RBFOX1: variants seen among roughly 807,000 people sequenced by gnomAD.
RBFOX1 encodes RNA binding protein fox-1 homolog 1.
In RBFOX1, 8 loss-of-function variants were observed where a neutral mutation model predicts 57.7. The ratio of observed to expected loss-of-function variants is 0.14; its 90% CI spans 0.08 to 0.25. The LOEUF (loss-of-function observed/expected upper bound fraction) is 0.25, where lower values mean the gene tolerates loss of function less well. Among genes scored for constraint, RBFOX1 ranks in the 10% least tolerant of loss-of-function variants. The pLI is 1.00. For synonymous variants in RBFOX1, 326 were observed against 222.4 expected (o/e 1.47, Z -4.15); for missense variants, 611 against 548.5 (o/e 1.11, Z -1.14).
chr16:6,883,189 C>T (rs55963802), intron 3 of RBFOX1, among the ~76,000 whole-genome samples: 10,904 of 152,144 alleles, frequency 0.072, 1,343 homozygotes, highest in African/African-American at 0.25. Flanking sequence ...ATGTTCTGAA[C>T]CTAAGCAATA....
chr16:5,988,871 A>C (rs1313684699), intron 4 of RBFOX1, among the ~76,000 whole-genome samples: 2 of 152,180 alleles, frequency 1.3e-5, no homozygotes, highest in African/African-American at 4.8e-5. Flanking sequence ...TTTGGCAGGT[A>C]GGAAAGTATA....
Position 7,455,805 on chromosome 16 carries a change from A to G in RBFOX1, c.28-62342A>G, listed in dbSNP as rs892587405. Among the ~76,000 whole-genome samples the G allele has an allele frequency of 1.2e-4, 18 of 151,842 alleles. No homozygotes were observed. In the South Asian group the frequency reaches 1.5e-3, roughly 12 times the overall value. On this transcript the variant is annotated intron_variant, in intron 4 of 15. Transcript: ENST00000550418. ...CATCTCAAAAAAAAAAAAAAAAGAA[A>G]AAAAAGAAAAAAAAAACTGATTCAC...
chr16:5,279,578 T>C (rs1342036132), intron 1 of RBFOX1, among the ~76,000 whole-genome samples: 1 of 152,230 alleles, frequency 6.6e-6, no homozygotes, highest in East Asian at 1.9e-4. Flanking sequence ...CTTGGCTCAC[T>C]GCAACCTCCG....
intron 3 of RBFOX1, among the ~76,000 whole-genome samples, chr16:6,905,258 TTAA>T (rs1013514904): frequency 1.3e-5 from 2 of 150,662 alleles, no homozygotes. Context: ...AAAAAAAAAA[TTAA>T]AAAAAAGAAT....
chr16:5,766,756 A>G (rs976855892), intron 3 of RBFOX1, among the ~76,000 whole-genome samples: 12 of 152,098 alleles, frequency 7.9e-5, no homozygotes, highest in African/African-American at 2.7e-4. Context: ...GGTGGGGACA[A>G]ACATCCAAAC....
intron 3 of RBFOX1, among the ~76,000 whole-genome samples, chr16:6,967,378 T>C (rs556365605): frequency 2.8e-4 from 42 of 152,124 alleles, no homozygotes; most frequent in African/African-American, 9.9e-4. Context: ...AGGGAAGAGA[T>C]TAGAGGGAGC....
At chr16:6,898,430 G>A (rs1243890039) in intron 3 of RBFOX1, among the ~76,000 whole-genome samples, 1 of 152,128 alleles carries the variant, frequency 6.6e-6, no homozygotes, top group African/African-American at 2.4e-5. Context: ...ATGTGGCTGT[G>A]GTAGTAAGCA....
chr16:6,955,806 A>G (rs1426468763), intron 3 of RBFOX1, among the ~76,000 whole-genome samples: 4 of 151,974 alleles, frequency 2.6e-5, no homozygotes, highest in Non-Finnish European at 5.9e-5. Context: ...CCCTGGTTCA[A>G]GTGATTCTCC....
intron 11 of RBFOX1, among the ~76,000 whole-genome samples, chr16:7,638,540 T>TC (rs1410343134): frequency 6.6e-6 from 1 of 152,160 alleles, no homozygotes; most frequent in East Asian, 1.9e-4. Context: ...TGCTGTCTCC[T>TC]CCCCATCCCA....
intron 4 of RBFOX1, among the ~76,000 whole-genome samples, chr16:7,311,008 G>A (rs1421271267): frequency 6.6e-6 from 1 of 152,176 alleles, no homozygotes; most frequent in African/African-American, 2.4e-5. Context: ...GTCCGGTCTG[G>A]AATTACTCCT....
intron 4 of RBFOX1, among the ~76,000 whole-genome samples, chr16:7,116,440 G>T (rs1268423564): frequency 1.3e-5 from 2 of 152,064 alleles, no homozygotes; most frequent in African/African-American, 4.8e-5. Flanking sequence ...CAACATCTCT[G>T]CCCATCCCAA....
At chr16:5,424,966 CTTTCTTTCTTTCTTTTCT>C (rs1338672238) in intron 1 of RBFOX1, among the ~76,000 whole-genome samples, 1 of 52,260 alleles carries the variant, frequency 1.9e-5, no homozygotes, top group Non-Finnish European at 3.4e-5. Flanking sequence ...GTTTCTTTCT[CTTTCTTTCTTTCTTTTCT>C]TTTCTTTTCT....
intron 1 of RBFOX1, among the ~76,000 whole-genome samples, chr16:6,164,448 C>G (rs2096901278): frequency 1.4e-5 from 2 of 148,068 alleles, no homozygotes; most frequent in African/African-American, 5.0e-5. Context: ...CCACAGAGTT[C>G]TTTTTTGCAT....
intron 3 of RBFOX1, among the ~76,000 whole-genome samples, chr16:7,045,521 A>G (rs899775232): frequency 2.6e-5 from 4 of 152,214 alleles, no homozygotes; most frequent in African/African-American, 9.6e-5. Flanking sequence ...ATGTGGTGCC[A>G]CTTCACATGG....
At chr16:6,159,738 C>T (rs2096864177) in intron 1 of RBFOX1, among the ~76,000 whole-genome samples, 1 of 152,194 alleles carries the variant, frequency 6.6e-6, no homozygotes, top group African/African-American at 2.4e-5. Context: ...TCTATGTTTC[C>T]TTAAAGATTT....
intron 2 of RBFOX1, among the ~76,000 whole-genome samples, chr16:6,512,299 A>AAAAAAAAAAAAAAAAAAAAAAAAAAAAT (rs71145240): frequency 6.9e-6 from 1 of 145,824 alleles, no homozygotes; most frequent in Non-Finnish European, 1.5e-5. Context: ...AAAAAAAAAA[A>AAAAAAAAAAAAAAAAAAAAAAAAAAAAT]GGTAAGAGAA....
At chr16:7,612,960 T>A (rs1466617892) in intron 10 of RBFOX1, among the ~76,000 whole-genome samples, 1 of 152,162 alleles carries the variant, frequency 6.6e-6, no homozygotes, top group Non-Finnish European at 1.5e-5. Flanking sequence ...CTTCCGTGGA[T>A]GGAGAGCACC....
intron 5 of RBFOX1, among the ~76,000 whole-genome samples, chr16:7,525,916 TC>T (rs935112595): frequency 1.3e-5 from 2 of 152,160 alleles, no homozygotes; most frequent in African/African-American, 4.8e-5. Context: ...CCAGGCTGTT[TC>T]CCCAGTCTCC....
chr16:6,319,683 G>A (rs1426051523), intron 2 of RBFOX1, among the ~76,000 whole-genome samples: 1 of 152,172 alleles, frequency 6.6e-6, no homozygotes, highest in East Asian at 1.9e-4. Context: ...TGAGCTCCCA[G>A]GAACCAGCAT....
Sources: allele counts gnomAD v4.1 joint callset (sites outside exome capture counted in the v4.1 genomes callset), GRCh38; gene constraint gnomAD v4.1.1; transcripts MANE v1.5; gene names NCBI Gene and HGNC (gene_info 2026-07-23, HGNC 2026-07-21).